Variants in EPSTI1 observed in about 807,000 individuals in gnomAD.
EPSTI1 encodes epithelial-stromal interaction protein 1.
EPSTI1 carries 66 observed loss-of-function variants against 49.9 expected under a neutral mutation model. That is an observed-to-expected ratio of 1.32 (90% confidence interval 1.08 to 1.62). EPSTI1 has a LOEUF of 1.62. Among genes scored for constraint, EPSTI1 ranks in the 40% most tolerant of loss-of-function variants. The pLI is 0.00. For synonymous variants in EPSTI1, 137 were observed against 130.7 expected, an observed-to-expected ratio of 1.05 and a Z score of -0.33; for missense variants, 394 against 365.5, an observed-to-expected ratio of 1.08 and a Z score of -0.64.
chr13:42,952,114 GTAAAATGGACCAATCAGCACTCTA>G (rs1263308335), intron 6 of EPSTI1, among the ~76,000 whole-genome samples: 1 of 152,156 alleles, frequency 6.6e-6, no homozygotes, highest in Non-Finnish European at 1.5e-5. Context: ...TCAGCACTCT[GTAAAATGGACCAATCAGCACTCTA>G]TAAAATGGAC....
intron 10 of EPSTI1, among the ~76,000 whole-genome samples, chr13:42,892,875 C>T (rs1566093021): frequency 6.9e-6 from 1 of 145,194 alleles, no homozygotes; most frequent in Non-Finnish European, 1.5e-5. Context: ...GGGATGAAAA[C>T]GGGTTATCAC....
intron 8 of EPSTI1, among the ~76,000 whole-genome samples, chr13:42,905,449 C>T (rs917214943): frequency 6.6e-6 from 1 of 152,122 alleles, no homozygotes; most frequent in Non-Finnish European, 1.5e-5. Flanking sequence ...TGACAGCCAC[C>T]GAGGATGTGT....
intron 2 of EPSTI1, chr13:42,969,493 A>G (rs1231436440): frequency 7.0e-6 from 2 of 286,736 alleles, no homozygotes; most frequent in East Asian, 1.6e-4. Flanking sequence ...GTTAATTTTT[A>G]AAGTTACCTA....
chr13:42,992,204 G>A lies in EPSTI1; in HGVS notation c.-39C>T, dbSNP rs928951557. The A allele has an allele frequency of 4.7e-6, 7 of 1,499,602 alleles. No homozygotes were observed. Among genetic ancestry groups the A allele is most frequent in the Non-Finnish European group, 6.2e-6 (7 of 1,124,064 alleles). 92.9% of individuals were successfully genotyped at this position (1,499,602 alleles called of 1,614,324 possible). A position where few individuals can be genotyped will look rare whatever the true frequency, so the allele number is the denominator to read the frequency against. On this transcript the variant is annotated 5_prime_UTR_variant, in exon 1 of 11. Transcript: ENST00000313624. ...CGGGTCCCGGGCCGCCGTCGCTGCGGGAGGGATGCGGCTGGGACGCTTAGC... is the reference window on the plus strand; with the variant it reads ...CGGGTCCCGGGCCGCCGTCGCTGCGAGAGGGATGCGGCTGGGACGCTTAGC...
rs144156148 is a variant in EPSTI1, at chr13:42,896,175, G to A, written c.816-1067C>T. The stretch of plus-strand genomic sequence containing the variant: ...TCTCTCAACAACTTTAGGTCCCATC[G>A]GGCTGCGGTTCCACCTCAGCTATTA... On this transcript the variant is annotated intron_variant, in intron 9 of 10. Coordinates refer to ENST00000313624, the MANE Select transcript of EPSTI1 (RefSeq NM_033255.5). Among the ~76,000 whole-genome samples the A allele has an allele frequency of 3.1e-3, 475 of 152,154 alleles. 5 individuals are homozygous for A. The highest frequency in any genetic ancestry group is 2.5e-3 in the Non-Finnish European group (169 of 67,988).
intron 6 of EPSTI1, among the ~76,000 whole-genome samples, chr13:42,942,478 T>C (rs1050541872): frequency 3.3e-5 from 5 of 152,020 alleles, no homozygotes; most frequent in African/African-American, 1.2e-4. Context: ...ATAATTAGCA[T>C]ATAATTAAAC....
intron 8 of EPSTI1, among the ~76,000 whole-genome samples, chr13:42,903,075 C>A (rs74406744): frequency 0.059 from 8,998 of 152,160 alleles, 364 homozygotes; most frequent in Admixed American, 0.085. Context: ...CTCCAAGGAG[C>A]AACTTCTGGT....
intron 10 of EPSTI1, among the ~76,000 whole-genome samples, chr13:42,893,168 G>A (rs2037087654): frequency 6.6e-6 from 1 of 152,182 alleles, no homozygotes; most frequent in Non-Finnish European, 1.5e-5. Flanking sequence ...GTTTTACTCT[G>A]AAGGAGGACA....
At chr13:42,894,018 T>C (rs1046389768) in intron 10 of EPSTI1, among the ~76,000 whole-genome samples, 1 of 152,216 alleles carries the variant, frequency 6.6e-6, no homozygotes, top group Non-Finnish European at 1.5e-5. Flanking sequence ...TACGGATAAA[T>C]AGACACATCC....
intron 8 of EPSTI1, among the ~76,000 whole-genome samples, chr13:42,912,428 G>A (rs1024155013): frequency 2.0e-5 from 3 of 152,142 alleles, no homozygotes; most frequent in Non-Finnish European, 2.9e-5. Context: ...ACAGGGCAAC[G>A]TCCCAAGTAC....
intron 3 of EPSTI1, among the ~76,000 whole-genome samples, chr13:42,966,955 GA>G (rs762949325): frequency 2.9e-5 from 2 of 67,884 alleles, no homozygotes; most frequent in East Asian, 7.7e-4. Flanking sequence ...TCTGCCTTGG[GA>G]ATCCTGTTGA....
At chr13:42,926,092 G>A (rs1258884592) in intron 7 of EPSTI1, among the ~76,000 whole-genome samples, 3 of 152,142 alleles carry the variant, frequency 2.0e-5, no homozygotes, top group Non-Finnish European at 4.4e-5. Flanking sequence ...TGGATGGGTG[G>A]GTGAATGAAT....
At chr13:42,946,331 A>G (rs2038916824) in intron 6 of EPSTI1, among the ~76,000 whole-genome samples, 1 of 152,178 alleles carries the variant, frequency 6.6e-6, no homozygotes, top group South Asian at 2.1e-4. Flanking sequence ...AGGTGGTGCA[A>G]GGCAATTTAG....
intron 6 of EPSTI1, among the ~76,000 whole-genome samples, chr13:42,948,422 GTTGTTTT>G (rs1359617330): frequency 8.8e-6 from 1 of 113,946 alleles, no homozygotes; most frequent in African/African-American, 3.7e-5. Context: ...AGAGTGGCTT[GTTGTTTT>G]TTTTTTTTTT....
At chr13:42,972,782 C>T (rs2039796718) in intron 1 of EPSTI1, among the ~76,000 whole-genome samples, 1 of 151,904 alleles carries the variant, frequency 6.6e-6, no homozygotes, top group Non-Finnish European at 1.5e-5. Context: ...TAGTTAGGAA[C>T]AAGTCAAGAA....
intron 7 of EPSTI1, among the ~76,000 whole-genome samples, chr13:42,918,276 C>G (rs1458359862): frequency 6.6e-6 from 1 of 152,194 alleles, no homozygotes; most frequent in Non-Finnish European, 1.5e-5. Context: ...GAGTTCCACA[C>G]CCTGGCATAG....
Position 42,926,361 on chromosome 13 carries a change from A to G in EPSTI1, c.632T>C (p.Val211Ala), listed in dbSNP as rs1423656312. 6.2e-7 allele frequency: 1 copy of G among 1,612,138 alleles called. No homozygotes were observed. The highest frequency in any genetic ancestry group is 2.2e-5 in the East Asian group (1 of 44,868). The change falls in exon 7 of 11, where the codon GTT becomes GCT. Residue 211 changes from valine to alanine, a missense_variant. Physicochemically the swap from Val to Ala is moderately conservative, Grantham distance 64 (BLOSUM62 0). Transcript: ENST00000313624. ...CCATGTTGAGGATTGTGGGCCACAA[A>G]CAGCACTTTGACAGGCACTTCTGTC... is the stretch of plus-strand genomic sequence containing the variant. ...SPDRSACQSA[V>A]CGPQSSTWAR...
Position 42,888,205 on chromosome 13 carries a change from C to CCCT in EPSTI1, c.*286_*288dup, listed in dbSNP as rs2036917114. 1 of 1,600,304 alleles carries CCCT rather than the reference C, an allele frequency of 6.2e-7. No homozygotes were observed. Among genetic ancestry groups the CCCT allele is most frequent in the Non-Finnish European group, 8.5e-7 (1 of 1,171,406 alleles). ...ATTAACCTGAAAGCATCAAGTGACT[C>CCCT]CCTCTTTTTCTACCCTACCAACATC... On this transcript the variant is annotated 3_prime_UTR_variant, in exon 11 of 11. Transcript: ENST00000313624.
At chr13:42,982,761 CT>C in intron 1 of EPSTI1, among the ~76,000 whole-genome samples, 1 of 151,072 alleles carries the variant, frequency 6.6e-6, no homozygotes, top group South Asian at 2.1e-4. Context: ...CCTCTCTGAC[CT>C]TCTCCCATCT....
Sources: gnomAD v4.1 joint callset for allele counts (sites outside exome capture counted in the v4.1 genomes callset) on GRCh38, gnomAD v4.1.1 for gene constraint, MANE v1.5 for transcripts, NCBI Gene and HGNC (gene_info 2026-07-23, HGNC 2026-07-21) for gene names.